The following UNC79 variants were observed in gnomAD, a reference collection of about 807,000 sequenced individuals.
UNC79 encodes the protein unc-79 subunit of NALCN channel complex.
UNC79 carries 37 observed loss-of-function variants against 283.1 expected under a neutral mutation model. The observed-to-expected ratio is 0.13, with a 90% CI of 0.10 to 0.17. UNC79 has a LOEUF of 0.17. UNC79 is among the 10% of genes least tolerant of loss of function. The pLI, the probability that UNC79 is intolerant of heterozygous loss-of-function variation, is 1.00. For missense variants in UNC79, 2,272 were observed against 3,211.1 expected (o/e 0.71, Z 7.07); for synonymous variants, 1,107 against 1,200.2 (o/e 0.92, Z 1.61).
chr14:93,423,062 C>CAAAAAAA lies in UNC79; in HGVS notation c.-350-44586_-350-44580dup, dbSNP rs71129634. 2.7e-3 allele frequency among the ~76,000 whole-genome samples: 210 copies of CAAAAAAA among 77,280 alleles called. 1 individual carries two copies. The highest frequency in any genetic ancestry group is 8.7e-3 in the African/African-American group (159 of 18,324). 50.7% of individuals were successfully genotyped at this position (77,280 alleles called of 152,430 possible). ...TGGGGGACAGAGCGAGACTCTGTCT[C>CAAAAAAA]AAAAAAAAAAAAAAAAAAAAAAAAA... On this transcript the variant is annotated intron_variant, in intron 1 of 49. Transcript: ENST00000256339.
chr14:93,540,115 C>T (rs1382217501), intron 12 of UNC79, among the ~76,000 whole-genome samples: 1 of 152,226 alleles, frequency 6.6e-6, no homozygotes, highest in Admixed American at 6.5e-5. Flanking sequence ...TATAGATTTA[C>T]AATGCCAACA....
chr14:93,444,870 A>T (rs559632622), intron 1 of UNC79, among the ~76,000 whole-genome samples: 1 of 152,198 alleles, frequency 6.6e-6, no homozygotes, highest in Non-Finnish European at 1.5e-5. Flanking sequence ...TAAATTTTAA[A>T]ATCAACTTGT....
chr14:93,704,910 G>GGGTCTGAGCA (rs1273764686), intron 48 of UNC79, among the ~76,000 whole-genome samples: 6 of 152,136 alleles, frequency 3.9e-5, no homozygotes, highest in Non-Finnish European at 7.3e-5. Flanking sequence ...CGGTATCCCA[G>GGGTCTGAGCA]GGTCTGAGCA....
At chr14:93,578,167 G>A (rs890358609) in intron 18 of UNC79, 104 bp downstream of exon 18, 6 of 1,127,156 alleles carry the variant, frequency 5.3e-6, no homozygotes, top group Non-Finnish European at 7.5e-6. Context: ...TTATCAAAAT[G>A]ATTCAGCATC....
chr14:93,462,942 G>A (rs2057013528), intron 1 of UNC79, among the ~76,000 whole-genome samples: 1 of 152,122 alleles, frequency 6.6e-6, no homozygotes, highest in African/African-American at 2.4e-5. Context: ...ACCTGGGATG[G>A]AGACAGACCT....
chr14:93,454,421 A>T (rs117025583), intron 1 of UNC79, among the ~76,000 whole-genome samples: 2,128 of 150,804 alleles, frequency 0.014, 23 homozygotes, highest in Middle Eastern at 0.034. Context: ...TTATGTATGT[A>T]TGTATAGATG....
chr14:93,668,847 C>CAAATAAAAAAA, intron 40 of UNC79, among the ~76,000 whole-genome samples: 1 of 130,068 alleles, frequency 7.7e-6, no homozygotes, highest in Non-Finnish European at 1.6e-5. Flanking sequence ...CTGTGTCCTT[C>CAAATAAAAAAA]ACAAAAAAAA....
chr14:93,598,873 C>T (rs2065283733), intron 24 of UNC79, among the ~76,000 whole-genome samples: 1 of 152,084 alleles, frequency 6.6e-6, no homozygotes, highest in African/African-American at 2.4e-5. Context: ...AAATATGCTA[C>T]CATAACAAAA....
intron 1 of UNC79, among the ~76,000 whole-genome samples, chr14:93,345,262 G>C (rs981317514): frequency 6.6e-6 from 1 of 152,150 alleles, no homozygotes; most frequent in African/African-American, 2.4e-5. Context: ...TCATTTATAA[G>C]CCATCCAGTC....
chr14:93,378,117 G>T (rs1368170534), intron 1 of UNC79, among the ~76,000 whole-genome samples: 1 of 152,166 alleles, frequency 6.6e-6, no homozygotes, highest in Non-Finnish European at 1.5e-5. Flanking sequence ...TTGATTCTTT[G>T]ATGACTGTTT....
chr14:93,486,657 G>GTAAA, intron 4 of UNC79, among the ~76,000 whole-genome samples: 1 of 138,988 alleles, frequency 7.2e-6, no homozygotes, highest in South Asian at 2.3e-4. Flanking sequence ...TCTGTCTAAG[G>GTAAA]AAAAAAAAAA....
chr14:93,600,817 T>C lies in UNC79; in HGVS notation c.3574+47T>C, dbSNP rs772775351. 3.8e-6 allele frequency: 6 copies of C among 1,590,674 alleles called. No individual in the cohort carries two copies. The African/African-American group carries it at 8.1e-5, about 21-fold the overall frequency. ...CTGTAAACCGTTGCAGTTCCCATTG[T>C]GCTTGCCTAGACAAACAGAAGACAT... is the stretch of plus-strand genomic sequence containing the variant. On this transcript the variant is annotated intron_variant, in intron 25 of 48. Transcript: ENST00000555664.
rs1033288734 is a variant in UNC79, at chr14:93,451,823, A to C, written c.23-15848A>C. ...GCTTTGGAATCAGTTGGTTCTTAGC[A>C]CTGCTGCTGGCCTGGGATTTGACTT... On this transcript the variant is annotated intron_variant, in intron 1 of 48. Coordinates refer to ENST00000555664, the Ensembl canonical transcript of UNC79. Among the ~76,000 whole-genome samples the C allele has an allele frequency of 2.0e-5, 3 of 152,130 alleles. 1 individual carries two copies. The South Asian group carries it at 6.2e-4, about 32-fold the overall frequency.
chr14:93,566,277 C>T (rs1223779026), intron 14 of UNC79, among the ~76,000 whole-genome samples: 3 of 152,118 alleles, frequency 2.0e-5, no homozygotes, highest in Non-Finnish European at 4.4e-5. Flanking sequence ...GACATGGGGC[C>T]AAGTGGATTT....
intron 25 of UNC79, among the ~76,000 whole-genome samples, chr14:93,601,733 G>T (rs2065521170): frequency 1.3e-5 from 2 of 152,170 alleles, no homozygotes; most frequent in Admixed American, 1.3e-4. Flanking sequence ...GTGTAAAAGT[G>T]TTCCCTTTTT....
At chr14:93,654,784 T>TG (rs889658668) in intron 37 of UNC79, among the ~76,000 whole-genome samples, 21 of 152,068 alleles carry the variant, frequency 1.4e-4, no homozygotes, top group Non-Finnish European at 2.4e-4. Context: ...GGCAGAGTGG[T>TG]GGGTGGAGCT....
intron 1 of UNC79, among the ~76,000 whole-genome samples, chr14:93,453,697 G>A (rs1566945076): frequency 1.3e-5 from 2 of 152,186 alleles, no homozygotes; most frequent in Non-Finnish European, 2.9e-5. Context: ...CTTGATCTGA[G>A]GAAGCTGCTT....
intron 25 of UNC79, among the ~76,000 whole-genome samples, chr14:93,602,123 T>C (rs2065551877): frequency 6.6e-6 from 1 of 152,190 alleles, no homozygotes. Context: ...TCCATCTGTT[T>C]ATTTTTGTTT....
At chr14:93,668,532 G>A (rs1185761219) in intron 40 of UNC79, among the ~76,000 whole-genome samples, 1 of 151,108 alleles carries the variant, frequency 6.6e-6, no homozygotes, top group Non-Finnish European at 1.5e-5. Context: ...GCAACAAGGC[G>A]AGACTCCATC....
Sources: allele counts gnomAD v4.1 joint callset (sites outside exome capture counted in the v4.1 genomes callset), GRCh38; gene constraint gnomAD v4.1.1; transcripts MANE v1.5; gene names NCBI Gene and HGNC (gene_info 2026-07-23, HGNC 2026-07-21).